IL1RAPL1: variants seen among roughly 807,000 people sequenced by gnomAD.
IL1RAPL1 encodes interleukin 1 receptor accessory protein like 1, also known as interleukin-1 receptor accessory protein-like 1.
A neutral mutation model predicts 48.4 loss-of-function variants in IL1RAPL1; 3 were observed. That is an observed-to-expected ratio of 0.06 (90% confidence interval 0.03 to 0.16). IL1RAPL1 has a LOEUF of 0.16. Among genes scored for constraint, IL1RAPL1 ranks in the 10% least tolerant of loss-of-function variants. The pLI is 1.00. For missense variants in IL1RAPL1, 349 were observed against 530.6 expected (o/e 0.66, Z 3.36); for synonymous variants, 185 against 187.7 (o/e 0.99, Z 0.12).
chrX:29,176,116 C>T (rs1450360440), intron 2 of IL1RAPL1, among the ~76,000 whole-genome samples: 2 of 82,431 alleles, frequency 2.4e-5, no homozygotes, highest in African/African-American at 4.5e-5. Flanking sequence ...CTTTTTGATA[C>T]GGAGTCTTGC....
chrX:29,598,136 C>T (rs1346968595), intron 5 of IL1RAPL1, among the ~76,000 whole-genome samples: 1 of 111,910 alleles, frequency 8.9e-6, no homozygotes, highest in East Asian at 2.8e-4. Flanking sequence ...TTTGTGCTCT[C>T]GCAAACCTTT....
intron 2 of IL1RAPL1, among the ~76,000 whole-genome samples, chrX:28,964,648 G>A (rs1023972452): frequency 3.6e-5 from 4 of 111,539 alleles, no homozygotes; most frequent in African/African-American, 1.3e-4. Context: ...ATTTGATGCA[G>A]CATAAATTTG....
intron 2 of IL1RAPL1, among the ~76,000 whole-genome samples, chrX:29,263,869 C>CCCT (rs1555983146): frequency 2.7e-4 from 27 of 99,869 alleles, no homozygotes; most frequent in African/African-American, 1.0e-3. Flanking sequence ...CTCCCCCCCC[C>CCCT]CCGCTCTCAT....
chrX:28,770,105 G>T (rs1936293523), intron 1 of IL1RAPL1, among the ~76,000 whole-genome samples: 1 of 111,951 alleles, frequency 8.9e-6, no homozygotes, highest in Non-Finnish European at 1.9e-5. Flanking sequence ...TCACCAAACG[G>T]TGAATAAAAC....
chrX:29,154,211 C>A (rs1380444491), intron 2 of IL1RAPL1, among the ~76,000 whole-genome samples: 1 of 111,105 alleles, frequency 9.0e-6, no homozygotes, highest in Non-Finnish European at 1.9e-5. Context: ...CCAAAATGGC[C>A]AGTTGGTATC....
At chrX:28,992,489 C>CAA (rs1246127181) in intron 2 of IL1RAPL1, among the ~76,000 whole-genome samples, 3 of 16,430 alleles carry the variant, frequency 1.8e-4, no homozygotes, top group Admixed American at 7.9e-4. Context: ...GACTCTGTCT[C>CAA]AAAAAAAAAA....
intron 6 of IL1RAPL1, among the ~76,000 whole-genome samples, chrX:29,802,873 A>ATGTG: frequency 1.1e-5 from 1 of 89,767 alleles, no homozygotes; most frequent in African/African-American, 4.3e-5. Flanking sequence ...ACATATGTAT[A>ATGTG]CATATATGTA....
At chrX:29,209,324 G>T (rs890150069) in intron 2 of IL1RAPL1, among the ~76,000 whole-genome samples, 2 of 111,928 alleles carry the variant, frequency 1.8e-5, no homozygotes, top group Non-Finnish European at 3.8e-5. Context: ...TTCAAAGTAT[G>T]AATTGCTTTC....
At chrX:28,839,963 G>A (rs1921327773) in intron 2 of IL1RAPL1, among the ~76,000 whole-genome samples, 1 of 110,409 alleles carries the variant, frequency 9.1e-6, no homozygotes, top group Non-Finnish European at 1.9e-5. Context: ...AAATATTTGA[G>A]CATAAGTATT....
chrX:29,591,397 C>G (rs1301653118), intron 5 of IL1RAPL1, among the ~76,000 whole-genome samples: 1 of 112,580 alleles, frequency 8.9e-6, no homozygotes, highest in African/African-American at 3.2e-5. Context: ...AAGCACAACC[C>G]TGACGCTGTT....
At chrX:29,645,703 C>G (rs1225632073) in intron 5 of IL1RAPL1, among the ~76,000 whole-genome samples, 2 of 111,894 alleles carry the variant, frequency 1.8e-5, no homozygotes, top group Non-Finnish European at 3.8e-5. Context: ...CTGTGGGTTT[C>G]AGGCATGCCC....
intron 5 of IL1RAPL1, among the ~76,000 whole-genome samples, chrX:29,439,295 C>T (rs1482256325): frequency 9.0e-6 from 1 of 111,239 alleles, no homozygotes; most frequent in African/African-American, 3.3e-5. Context: ...ACTGAAGGAG[C>T]AATAGCTGTC....
intron 6 of IL1RAPL1, among the ~76,000 whole-genome samples, chrX:29,711,245 G>A (rs993712802): frequency 1.9e-5 from 2 of 102,856 alleles, no homozygotes; most frequent in Admixed American, 1.1e-4. Context: ...GTGCAATGGC[G>A]TGATCTCAGC....
At chrX:29,687,488 G>A (rs1420535734) in intron 6 of IL1RAPL1, among the ~76,000 whole-genome samples, 1 of 111,461 alleles carries the variant, frequency 9.0e-6, no homozygotes, top group African/African-American at 3.3e-5. Context: ...GTGTTTACCA[G>A]AGGATGGAGA....
At chrX:29,327,282 A>G (rs970829124) in intron 3 of IL1RAPL1, among the ~76,000 whole-genome samples, 4 of 110,791 alleles carry the variant, frequency 3.6e-5, no homozygotes, top group African/African-American at 9.8e-5. Flanking sequence ...TTTGCTGTCA[A>G]TGAAACATAT....
At chrX:29,085,293 T>C (rs865952495) in intron 2 of IL1RAPL1, among the ~76,000 whole-genome samples, 1 of 111,252 alleles carries the variant, frequency 9.0e-6, no homozygotes, top group Non-Finnish European at 1.9e-5. Context: ...TAGTGCATAT[T>C]AAAAAGCTGT....
chrX:28,991,655 A>G (rs1925606118), intron 2 of IL1RAPL1, among the ~76,000 whole-genome samples: 1 of 112,196 alleles, frequency 8.9e-6, no homozygotes, highest in Non-Finnish European at 1.9e-5. Flanking sequence ...TTCAAGAGTC[A>G]TATAGAGACA....
intron 2 of IL1RAPL1, among the ~76,000 whole-genome samples, chrX:29,000,241 A>T (rs776053812): frequency 6.3e-5 from 7 of 111,862 alleles, no homozygotes; most frequent in Admixed American, 1.9e-4. Context: ...TGTTATTTTG[A>T]CTAGAAAAAG....
rs111427135 is a variant in IL1RAPL1, at chrX:29,019,876, C to A, written c.82+230451C>A. Among the ~76,000 whole-genome samples, 722 of 112,109 alleles carry A rather than the reference C, an allele frequency of 6.4e-3. 8 individuals are homozygous for A. The highest frequency in any genetic ancestry group is 0.022 in the African/African-American group (688 of 30,871). On this transcript the variant is annotated intron_variant, in intron 2 of 10. Coordinates refer to ENST00000378993, the MANE Select transcript of IL1RAPL1 (RefSeq NM_014271.4). ...TGTACAAGACTGTAGTTCAAAAAGG[C>A]CAGCTTATCAGAGATGCTGACATAT...
Sources: gnomAD v4.1 joint callset for allele counts (sites outside exome capture counted in the v4.1 genomes callset) on GRCh38, gnomAD v4.1.1 for gene constraint, MANE v1.5 for transcripts, NCBI Gene and HGNC (gene_info 2026-07-23, HGNC 2026-07-21) for gene names.